GSG1L: variants seen among roughly 807,000 people sequenced by gnomAD.
The protein encoded by GSG1L is germ cell-specific gene 1-like protein.
A neutral mutation model predicts 42.1 loss-of-function variants in GSG1L; 24 were observed. That is an observed-to-expected ratio of 0.57 (90% confidence interval 0.41 to 0.80). GSG1L has a LOEUF of 0.80. GSG1L is among the 30% of genes least tolerant of loss of function. The pLI, the probability that GSG1L is intolerant of heterozygous loss-of-function variation, is 0.00. For synonymous variants in GSG1L, 215 were observed against 203.5 expected (o/e 1.06, Z -0.48); for missense variants, 445 against 472.2 (o/e 0.94, Z 0.53).
At chr16:28,031,286 A>AAGATGGAATGGGATGGGATG (rs1447666056) in intron 1 of GSG1L, among the ~76,000 whole-genome samples, 4 of 84,624 alleles carry the variant, frequency 4.7e-5, no homozygotes, top group Non-Finnish European at 9.2e-5. Flanking sequence ...GGGGTGGGAT[A>AAGATGGAATGGGATGGGATG]AGATGGAATG....
At chr16:27,904,398 C>T (rs1339884682) in intron 2 of GSG1L, among the ~76,000 whole-genome samples, 2 of 152,150 alleles carry the variant, frequency 1.3e-5, no homozygotes, top group African/African-American at 2.4e-5. Flanking sequence ...TGTCACTTCT[C>T]AGTGATGTCT....
intron 1 of GSG1L, among the ~76,000 whole-genome samples, chr16:27,965,143 C>T (rs191464606): frequency 1.6e-4 from 24 of 152,126 alleles, no homozygotes; most frequent in African/African-American, 4.1e-4. Context: ...CTCAGCCTCC[C>T]GAGTAGCTGG....
At chr16:28,035,787 G>C (rs2086028767) in intron 1 of GSG1L, among the ~76,000 whole-genome samples, 1 of 152,196 alleles carries the variant, frequency 6.6e-6, no homozygotes, top group South Asian at 2.1e-4. Context: ...ACCCCAGGGA[G>C]AGTGACCCAT....
chr16:27,886,959 TTTC>T (rs2084038660), intron 2 of GSG1L, among the ~76,000 whole-genome samples: 1 of 151,900 alleles, frequency 6.6e-6, no homozygotes, highest in Non-Finnish European at 1.5e-5. Flanking sequence ...TTCTTTTTTT[TTTC>T]TTTTTCTTTC....
intron 1 of GSG1L, among the ~76,000 whole-genome samples, chr16:27,977,900 C>A (rs1357776828): frequency 2.6e-5 from 4 of 152,166 alleles, no homozygotes; most frequent in African/African-American, 4.8e-5. Flanking sequence ...CTTCCTAGAC[C>A]TTGTGGCATC....
At chr16:27,982,716 T>C (rs2085338491) in intron 1 of GSG1L, among the ~76,000 whole-genome samples, 2 of 152,162 alleles carry the variant, frequency 1.3e-5, no homozygotes, top group Non-Finnish European at 2.9e-5. Flanking sequence ...AAGCTTTTAC[T>C]CATGTTGGAA....
chr16:28,055,965 C>T (rs998832374), intron 1 of GSG1L, among the ~76,000 whole-genome samples: 1 of 151,864 alleles, frequency 6.6e-6, no homozygotes. Context: ...CTAAACACCT[C>T]TCCTTGGAAA....
chr16:27,901,395 C>A (rs945017954), intron 2 of GSG1L, among the ~76,000 whole-genome samples: 11 of 152,206 alleles, frequency 7.2e-5, no homozygotes, highest in African/African-American at 2.7e-4. Flanking sequence ...TGGCCAGTGA[C>A]AGGCTAGTGA....
chr16:27,982,622 A>C (rs1443615503), intron 1 of GSG1L, among the ~76,000 whole-genome samples: 2 of 152,168 alleles, frequency 1.3e-5, no homozygotes, highest in Non-Finnish European at 2.9e-5. Flanking sequence ...TAATTTATAG[A>C]GTATGAGGTT....
At chr16:27,977,130 T>A (rs2085259856) in intron 1 of GSG1L, among the ~76,000 whole-genome samples, 1 of 152,088 alleles carries the variant, frequency 6.6e-6, no homozygotes, top group South Asian at 2.1e-4. Context: ...GAAGTCTGAA[T>A]CCATTCCCAT....
At chr16:27,793,395 G>A (rs1216159769) in intron 6 of GSG1L, among the ~76,000 whole-genome samples, 1 of 152,082 alleles carries the variant, frequency 6.6e-6, no homozygotes, top group African/African-American at 2.4e-5. Flanking sequence ...GAATCATTTG[G>A]CTTCAGAAAA....
chr16:27,856,424 C>T (rs1434610322), intron 3 of GSG1L, among the ~76,000 whole-genome samples: 1 of 152,214 alleles, frequency 6.6e-6, no homozygotes, highest in African/African-American at 2.4e-5. Flanking sequence ...AGCGAGCCCC[C>T]CACCTCAGCC....
rs542700270 is a variant in GSG1L at position 28,048,761 on chromosome 16, A to C, written c.349+14315T>G. Among the ~76,000 whole-genome samples, 10 of 152,378 alleles carry C rather than the reference A, an allele frequency of 6.6e-5. No homozygotes were observed. The South Asian group carries it at 1.9e-3, about 28-fold the overall frequency. On this transcript the variant is annotated intron_variant, in intron 1 of 6. Transcript: ENST00000447459. Reference sequence around the variant, plus strand: ...GCTCAGAGGCAAACTCATAGCATTAAATGCATTCATAATTTTTTAACTATG... The same window carrying C: ...GCTCAGAGGCAAACTCATAGCATTACATGCATTCATAATTTTTTAACTATG...
chr16:27,796,302 A>C (rs1006175576), intron 6 of GSG1L, among the ~76,000 whole-genome samples: 1 of 152,182 alleles, frequency 6.6e-6, no homozygotes. Context: ...AAGCTTGAAG[A>C]GTGGTGGAAA....
intron 2 of GSG1L, among the ~76,000 whole-genome samples, chr16:27,885,937 T>C (rs1709763): frequency 0.61 from 92,785 of 152,004 alleles, 28,850 homozygotes; most frequent in Admixed American, 0.73. Flanking sequence ...GGAGGATCTG[T>C]TGTTTTTCCT....
intron 5 of GSG1L, chr16:27,823,757 G>C: frequency 1.5e-6 from 1 of 671,136 alleles, no homozygotes; most frequent in Non-Finnish European, 2.7e-6. Flanking sequence ...GTGTGCCCAG[G>C]TCCTAGCTCA....
intron 1 of GSG1L, among the ~76,000 whole-genome samples, chr16:28,048,167 G>A (rs1266284344): frequency 6.6e-6 from 1 of 152,060 alleles, no homozygotes; most frequent in Non-Finnish European, 1.5e-5. Context: ...AGTTGAAGCT[G>A]CAGTGAGCCA....
intron 1 of GSG1L, among the ~76,000 whole-genome samples, chr16:28,002,915 G>A (rs1326148252): frequency 6.6e-6 from 1 of 152,098 alleles, no homozygotes; most frequent in Admixed American, 6.5e-5. Flanking sequence ...CAGCCTGGGT[G>A]ACAGAGCGAG....
At chr16:27,840,789 A>T (rs947480379) in intron 4 of GSG1L, among the ~76,000 whole-genome samples, 1 of 152,118 alleles carries the variant, frequency 6.6e-6, no homozygotes, top group Non-Finnish European at 1.5e-5. Flanking sequence ...CACTCTTGAG[A>T]TAGTCTCCCC....
Sources: gnomAD v4.1 joint callset for allele counts (sites outside exome capture counted in the v4.1 genomes callset) on GRCh38, gnomAD v4.1.1 for gene constraint, MANE v1.5 for transcripts, NCBI Gene and HGNC (gene_info 2026-07-23, HGNC 2026-07-21) for gene names.